NUCB2: variants seen among roughly 807,000 people sequenced by gnomAD.
The protein encoded by NUCB2 is nucleobindin-2.
NUCB2 carries 48 observed loss-of-function variants against 57.9 expected under a neutral mutation model. The ratio of observed to expected loss-of-function variants is 0.83; its 90% confidence interval spans 0.66 to 1.05. The LOEUF is 1.05. NUCB2 is among the 50% of genes least tolerant of loss of function. The probability of loss-of-function intolerance (pLI) is 0.00; values close to 1 mark genes in which losing one functional copy is unlikely to be tolerated. For missense variants in NUCB2, 442 were observed against 476.2 expected (o/e 0.93, Z 0.67); for synonymous variants, 139 against 152.1 (o/e 0.91, Z 0.64).
At chr11:17,313,630 ATTC>A (rs923620419) in intron 10 of NUCB2, among the ~76,000 whole-genome samples, 2 of 151,992 alleles carry the variant, frequency 1.3e-5, no homozygotes, top group Admixed American at 1.3e-4. Flanking sequence ...GGAGTTGTCT[ATTC>A]TTCCTCTTCC....
chr11:17,278,995 C>G (rs888177672), intron 1 of NUCB2, among the ~76,000 whole-genome samples: 1 of 152,144 alleles, frequency 6.6e-6, no homozygotes, highest in Non-Finnish European at 1.5e-5. Context: ...GAGTTCAAGA[C>G]CAGCCTGGCC....
At chr11:17,338,334 G>A (rs1951973868) in intron 2 of NUCB2, among the ~76,000 whole-genome samples, 1 of 152,024 alleles carries the variant, frequency 6.6e-6, no homozygotes, top group African/African-American at 2.4e-5. Context: ...CCATGCTCTT[G>A]GTGATCCTGA....
At chr11:17,311,746 C>G (rs965386641) in intron 8 of NUCB2, 126 bp from the exon 9 acceptor site, 10 of 575,164 alleles carry the variant, frequency 1.7e-5, no homozygotes, top group Non-Finnish European at 3.0e-5. Flanking sequence ...AGAATAAATG[C>G]TTTTCTGCAG....
chr11:17,328,460 A>G (rs1950968952), intron 11 of NUCB2, among the ~76,000 whole-genome samples: 1 of 152,180 alleles, frequency 6.6e-6, no homozygotes, highest in Non-Finnish European at 1.5e-5. Flanking sequence ...AAAAAACCCT[A>G]GCAATTTACC....
intron 2 of NUCB2, among the ~76,000 whole-genome samples, chr11:17,292,182 A>G (rs1945056714): frequency 6.6e-6 from 1 of 152,196 alleles, no homozygotes; most frequent in South Asian, 2.1e-4. Flanking sequence ...AAATGAGGGA[A>G]CTGAAGTGGG....
At chr11:17,288,957 ATAT>A (rs1944437689) in intron 2 of NUCB2, among the ~76,000 whole-genome samples, 1 of 80,356 alleles carries the variant, frequency 1.2e-5, no homozygotes, top group African/African-American at 7.8e-5. Context: ...ACACATATAT[ATAT>A]ATATTTTTTT....
In NUCB2 at chr11:17,330,635, A is replaced by T. The variant is rs1951276304; in HGVS notation, c.1174-267A>T. On this transcript the variant is annotated intron_variant, in intron 12 of 13. Transcript: ENST00000529010. This position sits in a 1 kb window ranked among gnomAD's most constrained non-coding sequence, Gnocchi z 4.3. ...AGGTGCATGCCAGTGTTCCTGGCTA[A>T]TGTTAATATTTTTTGTAGAGACCAG... is the stretch of plus-strand genomic sequence containing the variant. Among the ~76,000 whole-genome samples the T allele has an allele frequency of 6.6e-6, 1 of 152,062 alleles. No homozygotes were observed. The highest frequency in any genetic ancestry group is 1.5e-5 in the Non-Finnish European group (1 of 68,020).
intron 3 of NUCB2, 108 bp downstream of exon 3, chr11:17,295,575 G>A (rs1945704399): frequency 7.2e-6 from 6 of 836,848 alleles, no homozygotes; most frequent in Non-Finnish European, 7.7e-6. Context: ...TGAAATGAGA[G>A]GAATTATAAC....
At chr11:17,291,886 C>T (rs932531645) in intron 2 of NUCB2, among the ~76,000 whole-genome samples, 3 of 152,124 alleles carry the variant, frequency 2.0e-5, no homozygotes, top group Admixed American at 6.6e-5. Flanking sequence ...CTTTGTATCT[C>T]AGCAACCAGG....
At chr11:17,340,071 T>C (rs1040562872) in intron 2 of NUCB2, among the ~76,000 whole-genome samples, 1 of 152,342 alleles carries the variant, frequency 6.6e-6, no homozygotes. Context: ...GGTATCTCAT[T>C]GTGGTTTTGA....
chr11:17,315,590 A>G (rs1246892944), intron 11 of NUCB2, 115 bp downstream of exon 11: 2 of 485,352 alleles, frequency 4.1e-6, no homozygotes, highest in African/African-American at 2.0e-5. Context: ...CTATCTTGGG[A>G]TTTTTATATA....
chr11:17,348,580 T>G (rs1439043013), intron 2 of NUCB2, among the ~76,000 whole-genome samples: 1 of 151,952 alleles, frequency 6.6e-6, no homozygotes, highest in Non-Finnish European at 1.5e-5. Context: ...GCTCAAGTGA[T>G]CCTCCTGTCT....
chr11:17,330,394 C>A lies in NUCB2; in HGVS notation c.1173+97C>A. On this transcript the variant is annotated intron_variant, in intron 12 of 13. Coordinates refer to ENST00000529010, the MANE Select transcript of NUCB2 (RefSeq NM_005013.4). This position sits in a 1 kb window ranked among gnomAD's most constrained non-coding sequence, Gnocchi z 4.3. ...ACATATTTCATTGTACTATATAGTA[C>A]ACTGCTATAGCTATACTATAGTATT... The A allele has an allele frequency of 2.6e-6, 2 of 760,934 alleles. No homozygotes were observed. The highest frequency in any genetic ancestry group is 4.2e-6 in the Non-Finnish European group (2 of 476,040). 47.1% of individuals were successfully genotyped at this position (760,934 alleles called of 1,614,324 possible).
chr11:17,337,434 T>G (rs926428904), exon 2 of NUCB2: 1 of 152,224 alleles, frequency 6.6e-6, no homozygotes, highest in Non-Finnish European at 1.5e-5. Context: ...TTTTATCCCC[T>G]GAAGAACCTG....
intron 5 of NUCB2, among the ~76,000 whole-genome samples, chr11:17,305,354 A>G (rs1161646760): frequency 6.6e-6 from 1 of 152,170 alleles, no homozygotes; most frequent in Non-Finnish European, 1.5e-5. Flanking sequence ...GAACACAAGT[A>G]AGAAAACTTA....
chr11:17,295,892 GAA>G (rs1336519270), intron 3 of NUCB2, among the ~76,000 whole-genome samples: 1 of 152,046 alleles, frequency 6.6e-6, no homozygotes, highest in Admixed American at 6.6e-5. Flanking sequence ...TCGTAAAAAA[GAA>G]AAATCTACCT....
intron 13 of NUCB2, 80 bp from the exon 14 acceptor site, chr11:17,331,332 A>C (rs1039005513): frequency 6.6e-6 from 5 of 758,736 alleles, no homozygotes; most frequent in African/African-American, 1.8e-5. Context: ...TTTTTAAAAC[A>C]AGTATATTTG....
At chr11:17,342,548 T>A (rs1952362821) in intron 2 of NUCB2, among the ~76,000 whole-genome samples, 1 of 151,204 alleles carries the variant, frequency 6.6e-6, no homozygotes, top group Non-Finnish European at 1.5e-5. Flanking sequence ...ACATCTTTAT[T>A]TCTGCCTTCA....
At chr11:17,333,525 T>C (rs1951577129), downstream of NUCB2, 1 of 152,226 alleles carries the variant, frequency 6.6e-6, no homozygotes, top group South Asian at 2.1e-4. Flanking sequence ...GTAAAATACA[T>C]TGTTTTTAAC....
Sources: gnomAD v4.1 joint callset for allele counts (sites outside exome capture counted in the v4.1 genomes callset) on GRCh38, gnomAD v4.1.1 for gene constraint, Gnocchi (gnomAD v3.1) non-coding constraint, MANE v1.5 for transcripts, NCBI Gene and HGNC (gene_info 2026-07-23, HGNC 2026-07-21) for gene names.